Variants in IGLL5 observed in about 807,000 individuals in gnomAD.
IGLL5 encodes the protein immunoglobulin lambda like polypeptide 5.
Under a neutral mutation model 20.9 loss-of-function variants are expected in IGLL5, and 30 were observed. The observed-to-expected ratio is 1.44, with a 90% CI of 1.07 to 1.95. The LOEUF (loss-of-function observed/expected upper bound fraction) is 1.95. Ranked by LOEUF, IGLL5 falls within the 30% of genes most tolerant of loss-of-function variation. IGLL5 has a pLI of 0.00. For missense variants in IGLL5, 475 were observed against 270.7 expected, an observed-to-expected ratio of 1.75 and a Z score of -5.30; for synonymous variants, 203 against 117.3, an observed-to-expected ratio of 1.73 and a Z score of -4.72.
At chr22:22,894,158 TCCTGGGGTCAA>T in intron 2 of IGLL5, among the ~76,000 whole-genome samples, 1 of 151,488 alleles carries the variant, frequency 6.6e-6, no homozygotes, top group African/African-American at 2.4e-5. Flanking sequence ...GCCCAGTGAC[TCCTGGGGTCAA>T]GGACAGAGGC....
intron 2 of IGLL5, among the ~76,000 whole-genome samples, chr22:22,894,115 G>C (rs538769086): frequency 6.6e-5 from 10 of 151,428 alleles, no homozygotes; most frequent in South Asian, 4.2e-4. Flanking sequence ...GGCTGGTTCT[G>C]ATGAGGGGCC....
At chr22:22,888,382 A>T (rs2067589182) in intron 1 of IGLL5, 123 bp downstream of exon 1, 1 of 795,918 alleles carries the variant, frequency 1.3e-6, no homozygotes, top group Non-Finnish European at 2.0e-6. Flanking sequence ...GCCTGGGCTG[A>T]CACTGGCTTT....
Position 22,888,186 on chromosome 22 carries a change from C to T in IGLL5, c.133C>T (p.Pro45Ser), listed in dbSNP as rs575661811. 1.9e-5 allele frequency: 30 copies of T among 1,548,818 alleles called. No individual in the cohort carries two copies. The highest frequency in any genetic ancestry group is 1.7e-4 in the Middle Eastern group (1 of 5,716). Residue 45 changes from proline (P) to serine (S), a missense_variant, in exon 1 of 3, where the codon CCG (proline) becomes TCG (serine). Pro to Ser is a moderately conservative substitution (Grantham distance 74). Coordinates refer to ENST00000526893, the MANE Select transcript of IGLL5 (RefSeq NM_001178126.2). ...TGGCCTGCTGCGCCCAATGGTTGCA[C>T]CGCAAAGCGGGGACCCAGACCCTGG... ...AHGLLRPMVA[P>S]QSGDPDPGAS...
At chr22:22,890,750 C>T (rs2067818253) in intron 1 of IGLL5, among the ~76,000 whole-genome samples, 1 of 150,998 alleles carries the variant, frequency 6.6e-6, no homozygotes, top group Admixed American at 6.6e-5. Flanking sequence ...TGCCTTCGCT[C>T]CTACATTCTT....
At chr22:22,893,024 A>ATG (rs2067896310) in intron 1 of IGLL5, among the ~76,000 whole-genome samples, 1 of 151,122 alleles carries the variant, frequency 6.6e-6, no homozygotes, top group Non-Finnish European at 1.5e-5. Context: ...TGAGGGAGAG[A>ATG]TGAGGCTGAG....
intron 1 of IGLL5, among the ~76,000 whole-genome samples, chr22:22,889,371 A>G (rs1601607782): frequency 1.3e-5 from 2 of 151,210 alleles, no homozygotes; most frequent in Admixed American, 6.6e-5. Context: ...CATTTTAGCA[A>G]CAGGCGGCGA....
intron 2 of IGLL5, among the ~76,000 whole-genome samples, chr22:22,894,855 C>A (rs748934902): frequency 1.3e-5 from 2 of 151,284 alleles, no homozygotes; most frequent in Non-Finnish European, 2.9e-5. Flanking sequence ...TGGGCTGGGG[C>A]AGAGCCCGGT....
intron 1 of IGLL5, among the ~76,000 whole-genome samples, chr22:22,888,642 C>G (rs575695499): frequency 6.6e-6 from 1 of 151,306 alleles, no homozygotes; most frequent in African/African-American, 2.4e-5. Context: ...CCCTCCTCCT[C>G]TCTGCCCATG....
intron 1 of IGLL5, among the ~76,000 whole-genome samples, chr22:22,889,439 C>T (rs910424458): frequency 1.3e-5 from 2 of 151,138 alleles, no homozygotes; most frequent in East Asian, 2.0e-4. Context: ...GGAATTTATC[C>T]TAAGGGTTGG....
At chr22:22,894,689 G>T (rs778095115) in intron 2 of IGLL5, among the ~76,000 whole-genome samples, 1 of 151,454 alleles carries the variant, frequency 6.6e-6, no homozygotes, top group Non-Finnish European at 1.5e-5. Context: ...CCTGGGGGCT[G>T]CTGAGTCTCA....
intron 1 of IGLL5, among the ~76,000 whole-genome samples, chr22:22,888,870 T>C (rs553110395): frequency 1.3e-5 from 2 of 151,358 alleles, no homozygotes; most frequent in African/African-American, 2.4e-5. Flanking sequence ...AGAGGGGATC[T>C]CCCTCTGGGA....
intron 2 of IGLL5, among the ~76,000 whole-genome samples, chr22:22,894,731 A>T (rs546642977): frequency 6.6e-6 from 1 of 151,172 alleles, no homozygotes; most frequent in South Asian, 2.1e-4. Context: ...GGAACAGCTG[A>T]GGTGAAGGGT....
At chr22:22,893,914 C>T in intron 2 of IGLL5, 96 bp downstream of exon 2, 5 of 862,122 alleles carry the variant, frequency 5.8e-6, no homozygotes, top group East Asian at 2.4e-5. Context: ...TCTGTCCTCC[C>T]AGCCTTAAGC....
intron 2 of IGLL5, among the ~76,000 whole-genome samples, 161 bp downstream of exon 2, chr22:22,893,979 A>T (rs184060569): frequency 1.2e-4 from 18 of 151,314 alleles, no homozygotes; most frequent in Middle Eastern, 3.8e-3. Flanking sequence ...GTCTCCGGGT[A>T]ACCGGCAGGA....
chr22:22,888,665 A>G (rs2067629176), intron 1 of IGLL5, among the ~76,000 whole-genome samples: 2 of 151,226 alleles, frequency 1.3e-5, no homozygotes, highest in East Asian at 2.0e-4. Flanking sequence ...CCTCCTGCCC[A>G]GTGAGGGCAG....
In IGLL5 at chr22:22,887,958, C is replaced by CT. The variant is rs2067555071; in HGVS notation, c.-95dup. On this transcript the variant is annotated 5_prime_UTR_variant, in exon 1 of 3. The change abolishes the stop of an existing upstream ORF in the 5' untranslated region. Transcript: ENST00000526893. ...GACAGAGCCAATGGACTGGGGTGTA[C>CT]TGTAACAGCCCTGCTGGCGAGAGGG... 1.0e-6 allele frequency: 1 copy of CT among 982,240 alleles called. No homozygotes were observed. The highest frequency in any genetic ancestry group is 1.6e-5 in the African/African-American group (1 of 61,750). The allele number at this position is 982,240 out of a possible 1,614,324, so 60.8% of individuals were successfully genotyped here.
chr22:22,889,150 T>C (rs148130474), intron 1 of IGLL5, among the ~76,000 whole-genome samples: 6 of 150,706 alleles, frequency 4.0e-5, no homozygotes, highest in South Asian at 2.1e-4. Flanking sequence ...CGACGCCCGA[T>C]TAGAGGAGGG....
rs569641665 is a variant in IGLL5 at position 22,895,433 on chromosome 22, A to C, written c.384A>C (p.Gln128His). 1.2e-6 allele frequency: 2 copies of C among 1,612,964 alleles called. No individual in the cohort carries two copies. The highest frequency in any genetic ancestry group is 1.3e-5 in the African/African-American group (1 of 74,868). Reference sequence around the variant, plus strand: ...TCCCGCCCTCCTCTGAGGAGCTCCAAGCCAACAAGGCCACACTAGTGTGTC... The same window carrying C: ...TCCCGCCCTCCTCTGAGGAGCTCCACGCCAACAAGGCCACACTAGTGTGTC... ...TLFPPSSEEL[Q>H]ANKATLVCLI... Residue 128 changes from glutamine (Q) to histidine (H), a missense_variant, in exon 3 of 3, where the codon CAA (glutamine) becomes CAC (histidine). Physicochemically the swap from Gln to His is conservative, Grantham distance 24 (BLOSUM62 0). Coordinates refer to ENST00000526893, the MANE Select transcript of IGLL5 (RefSeq NM_001178126.2).
intron 1 of IGLL5, among the ~76,000 whole-genome samples, chr22:22,889,119 G>C (rs144631265): frequency 8.6e-5 from 13 of 151,074 alleles, no homozygotes; most frequent in South Asian, 6.4e-4. Context: ...GGAAAAATCA[G>C]CACCGGATTG....
Sources: gnomAD v4.1 joint callset for allele counts (sites outside exome capture counted in the v4.1 genomes callset) on GRCh38, gnomAD v4.1.1 for gene constraint, MANE v1.5 for transcripts, NCBI Gene and HGNC (gene_info 2026-07-23, HGNC 2026-07-21) for gene names.